FRS2: variants seen among roughly 807,000 people sequenced by gnomAD.
The protein encoded by FRS2 is FGFR signalling adaptor.
FRS2 carries 8 observed loss-of-function variants against 43.9 expected under a neutral mutation model. The observed-to-expected ratio is 0.18, with a 90% CI of 0.11 to 0.33. FRS2 has a LOEUF of 0.33. FRS2 is among the 10% of genes least tolerant of loss of function. The pLI is 1.00. For missense variants in FRS2, 534 were observed against 627.6 expected (o/e 0.85, Z 1.59); for synonymous variants, 219 against 220.3 (o/e 0.99, Z 0.05).
intron 3 of FRS2, among the ~76,000 whole-genome samples, chr12:69,558,259 A>G (rs1252344906): frequency 6.6e-6 from 1 of 152,202 alleles, no homozygotes; most frequent in East Asian, 1.9e-4. Context: ...TTTGGACATC[A>G]CAGACAGTAA....
chr12:69,520,900 C>A (rs909984685), intron 1 of FRS2, among the ~76,000 whole-genome samples: 4 of 151,698 alleles, frequency 2.6e-5, no homozygotes, highest in Non-Finnish European at 5.9e-5. Context: ...GATATTTGGG[C>A]TTTTTTTGTG....
Position 69,574,196 on chromosome 12 carries a change from C to G in FRS2, c.768C>G (p.Thr256=), listed in dbSNP as rs751381454. The G allele has an allele frequency of 7.4e-6, 12 of 1,614,014 alleles. No homozygotes were observed. The highest frequency in any genetic ancestry group is 1.0e-5 in the Non-Finnish European group (12 of 1,180,032). ...PEGVKFVLGP[T]PVQKQLMEKE... Reference sequence around the variant, plus strand: ...GAGTCAAATTTGTTTTAGGGCCAACCCCTGTTCAAAAGCAGTTAATGGAAA... The same window carrying G: ...GAGTCAAATTTGTTTTAGGGCCAACGCCTGTTCAAAAGCAGTTAATGGAAA... The change falls in exon 9 of 9, where the codon ACC becomes ACG. Residue 256 remains threonine, a synonymous_variant. Transcript: ENST00000549921.
intron 1 of FRS2, among the ~76,000 whole-genome samples, chr12:69,477,888 C>T (rs902102861): frequency 6.6e-6 from 1 of 151,244 alleles, no homozygotes; most frequent in Non-Finnish European, 1.5e-5. Flanking sequence ...CTACAGGCGC[C>T]CACCACCACG....
intron 1 of FRS2, among the ~76,000 whole-genome samples, chr12:69,528,138 C>G (rs1314399936): frequency 6.6e-6 from 1 of 152,118 alleles, no homozygotes; most frequent in Non-Finnish European, 1.5e-5. Context: ...TTTCTCTGTC[C>G]CCTGGCTATC....
rs35353764 is a variant in FRS2 at position 69,552,302 on chromosome 12, CAAAAAAAAAAAA to C, written c.-121-9864_-121-9853del. Among the ~76,000 whole-genome samples, 12 of 51,380 alleles carry C rather than the reference CAAAAAAAAAAAA, an allele frequency of 2.3e-4. No homozygotes were observed. The South Asian group carries it at 7.4e-3, about 32-fold the overall frequency. The allele number at this position is 51,380 out of a possible 152,430, so 33.7% of individuals were successfully genotyped here. ...GGGCAACAAGAGCGAAACTCCGTCT[CAAAAAAAAAAAA>C]AAAAAAAAAAAAATCATGTCTCAGC... On this transcript the variant is annotated intron_variant, in intron 3 of 8. Coordinates refer to ENST00000549921, the MANE Select transcript of FRS2 (RefSeq NM_001278356.2).
intron 2 of FRS2, 113 bp from the exon 3 acceptor site, chr12:69,531,901 C>G (rs190852300): frequency 2.0e-5 from 3 of 152,672 alleles, no homozygotes; most frequent in Admixed American, 2.0e-4. Context: ...TTCGTAATAT[C>G]AAATGTCATA....
chr12:69,551,341 A>G (rs1878854623), intron 3 of FRS2, among the ~76,000 whole-genome samples: 1 of 151,522 alleles, frequency 6.6e-6, no homozygotes, highest in Non-Finnish European at 1.5e-5. Context: ...CAATGGAGCG[A>G]GACCCTGTCT....
intron 1 of FRS2, among the ~76,000 whole-genome samples, chr12:69,505,521 C>A (rs949655679): frequency 4.6e-5 from 7 of 152,166 alleles, no homozygotes; most frequent in African/African-American, 1.7e-4. Context: ...ATTATTTTAA[C>A]TGTATAGGTG....
At chr12:69,542,829 G>A (rs1170343304) in intron 3 of FRS2, among the ~76,000 whole-genome samples, 1 of 152,182 alleles carries the variant, frequency 6.6e-6, no homozygotes, top group Non-Finnish European at 1.5e-5. Context: ...ATAAACAGTT[G>A]TTTCAATCCT....
intron 1 of FRS2, among the ~76,000 whole-genome samples, chr12:69,504,455 A>C (rs913266680): frequency 2.6e-5 from 4 of 152,232 alleles, no homozygotes; most frequent in African/African-American, 9.6e-5. Flanking sequence ...AATAAAACAA[A>C]GTACAGATGA....
rs193178582 is a variant in FRS2, at chr12:69,477,505, A to G, written c.-261+6975A>G. On this transcript the variant is annotated intron_variant, in intron 1 of 8. Coordinates refer to ENST00000549921, the MANE Select transcript of FRS2 (RefSeq NM_001278356.2). The stretch of plus-strand genomic sequence containing the variant: ...CACCGTGTTAGCCAAGATGGTCTCA[A>G]TCTCCTGACCTCGTGATCTGCCTGC... Among the ~76,000 whole-genome samples the G allele has an allele frequency of 5.6e-4, 85 of 150,950 alleles. 2 individuals carry two copies. Among genetic ancestry groups the G allele is most frequent in the Middle Eastern group, 3.4e-3 (1 of 292 alleles).
At chr12:69,531,666 GAA>G (rs35298436) in intron 2 of FRS2, among the ~76,000 whole-genome samples, 5 of 144,936 alleles carry the variant, frequency 3.4e-5, no homozygotes, top group South Asian at 2.1e-4. Context: ...GAATTACACC[GAA>G]AAAAAAAAAG....
At chr12:69,545,417 A>G (rs1040787651) in intron 3 of FRS2, among the ~76,000 whole-genome samples, 2 of 152,208 alleles carry the variant, frequency 1.3e-5, no homozygotes, top group African/African-American at 2.4e-5. Context: ...ACAGCATGGT[A>G]TTGGCATAAA....
At chr12:69,472,118 A>G (rs1870355147) in intron 1 of FRS2, among the ~76,000 whole-genome samples, 2 of 152,010 alleles carry the variant, frequency 1.3e-5, no homozygotes, top group Non-Finnish European at 2.9e-5. Context: ...AGACAGCCTC[A>G]TTCTGCTGCC....
At chr12:69,512,752 A>G (rs1300814987) in intron 1 of FRS2, among the ~76,000 whole-genome samples, 3 of 152,216 alleles carry the variant, frequency 2.0e-5, no homozygotes, top group Non-Finnish European at 2.9e-5. Flanking sequence ...TATAGACACT[A>G]TAAAAAGTTT....
chr12:69,541,924 T>A (rs1011376601), intron 3 of FRS2, among the ~76,000 whole-genome samples: 1 of 151,856 alleles, frequency 6.6e-6, no homozygotes, highest in Non-Finnish European at 1.5e-5. Flanking sequence ...GTCTTCTTAT[T>A]CTTTGATGTA....
chr12:69,553,427 C>T (rs1879076932), intron 3 of FRS2, among the ~76,000 whole-genome samples: 1 of 152,130 alleles, frequency 6.6e-6, no homozygotes, highest in South Asian at 2.1e-4. Context: ...CTGATTACAG[C>T]TTAGAAGAAA....
chr12:69,495,836 T>C (rs1872830653), intron 1 of FRS2, among the ~76,000 whole-genome samples: 1 of 151,976 alleles, frequency 6.6e-6, no homozygotes, highest in Non-Finnish European at 1.5e-5. Flanking sequence ...GGGAGGCTCA[T>C]AGGGAGGATT....
intron 1 of FRS2, among the ~76,000 whole-genome samples, chr12:69,502,975 C>T (rs1339629662): frequency 6.6e-6 from 1 of 152,208 alleles, no homozygotes; most frequent in Non-Finnish European, 1.5e-5. Context: ...AATTCAGTGG[C>T]ACCCACAGTT....
Sources: allele counts gnomAD v4.1 joint callset (sites outside exome capture counted in the v4.1 genomes callset), GRCh38; gene constraint gnomAD v4.1.1; transcripts MANE v1.5; gene names NCBI Gene and HGNC (gene_info 2026-07-23, HGNC 2026-07-21).